PAK3: variants seen among roughly 807,000 people sequenced by gnomAD.
PAK3 encodes the protein p21 (RAC1) activated kinase 3.
In PAK3, 4 loss-of-function variants were observed where a neutral mutation model predicts 41.0. That is an observed-to-expected ratio of 0.10 (90% CI 0.05 to 0.22). PAK3 has a LOEUF of 0.22. PAK3 is among the 10% of genes least tolerant of loss of function. The pLI is 1.00. For missense variants in PAK3, 205 were observed against 409.9 expected, an observed-to-expected ratio of 0.50 and a Z score of 4.32; for synonymous variants, 146 against 139.6, an observed-to-expected ratio of 1.05 and a Z score of -0.32.
chrX:111,005,394 A>C, intron 1 of PAK3, among the ~76,000 whole-genome samples: 1 of 111,569 alleles, frequency 9.0e-6, no homozygotes, highest in East Asian at 2.8e-4. Context: ...AGATACATTG[A>C]AGCCGGTAGA....
intron 7 of PAK3, among the ~76,000 whole-genome samples, chrX:111,148,506 G>A (rs972990521): frequency 9.0e-6 from 1 of 111,597 alleles, no homozygotes; most frequent in Non-Finnish European, 1.9e-5. Context: ...CATGCTGCTG[G>A]TAAAGACATG....
At chrX:111,009,449 T>G (rs1039584059) in intron 1 of PAK3, among the ~76,000 whole-genome samples, 1 of 108,907 alleles carries the variant, frequency 9.2e-6, no homozygotes, top group East Asian at 2.9e-4. Context: ...TTGGCACACC[T>G]GAAAGCAGGC....
At chrX:111,142,273 C>T in intron 6 of PAK3, 77 bp downstream of exon 6, 2 of 624,794 alleles carry the variant, frequency 3.2e-6, no homozygotes, top group South Asian at 4.4e-5. Context: ...CAAGAATTGC[C>T]ATGTCCCAAA....
intron 1 of PAK3, among the ~76,000 whole-genome samples, chrX:111,051,291 T>A (rs1230804213): frequency 8.9e-6 from 1 of 111,751 alleles, no homozygotes; most frequent in Non-Finnish European, 1.9e-5. Flanking sequence ...AAATATTTGT[T>A]GAATATGAAT....
intron 8 of PAK3, among the ~76,000 whole-genome samples, chrX:111,160,852 A>G (rs1163709685): frequency 2.7e-5 from 3 of 111,808 alleles, no homozygotes; most frequent in African/African-American, 9.8e-5. Flanking sequence ...CATTTTCTTA[A>G]TCCAGTCTAT....
intron 8 of PAK3, among the ~76,000 whole-genome samples, chrX:111,156,995 C>T (rs2094114733): frequency 8.9e-6 from 1 of 111,939 alleles, no homozygotes; most frequent in African/African-American, 3.2e-5. Context: ...TCATATTGAA[C>T]GTGCCATTAT....
chrX:111,202,037 T>C (rs2094690131), intron 16 of PAK3, among the ~76,000 whole-genome samples: 1 of 110,191 alleles, frequency 9.1e-6, no homozygotes, highest in African/African-American at 3.3e-5. Context: ...TCAGTACAAT[T>C]ACCATGAACA....
At chrX:111,179,724 T>C (rs1347595380) in intron 11 of PAK3, among the ~76,000 whole-genome samples, 1 of 111,801 alleles carries the variant, frequency 8.9e-6, no homozygotes, top group Non-Finnish European at 1.9e-5. Context: ...AGCAGTCTCC[T>C]TTCTTTTTCC....
chrX:111,041,159 A>G (rs1424277621), intron 1 of PAK3, among the ~76,000 whole-genome samples: 1 of 112,913 alleles, frequency 8.9e-6, no homozygotes, highest in Non-Finnish European at 1.9e-5. Flanking sequence ...GTTGCAGAGC[A>G]TTCTCTGAGA....
intron 9 of PAK3, among the ~76,000 whole-genome samples, 190 bp from the exon 10 acceptor site, chrX:111,163,372 A>G (rs924635054): frequency 1.9e-4 from 21 of 111,521 alleles, no homozygotes; most frequent in Non-Finnish European, 1.3e-4. Context: ...TTAGCAAGGC[A>G]TGTATAGGGA....
rs183919130 is a variant in PAK3 at position 111,013,799 on chromosome X, T to C, written c.-28+69171T>C. On this transcript the variant is annotated intron_variant, in intron 1 of 14. Coordinates refer to the PAK3 transcript ENST00000425146. ...ATTTTGCCTGACTCACTCTTGAAGATGAATGCATCAGCTTGTTTTCTCTTC... is the reference window on the plus strand; with the variant it reads ...ATTTTGCCTGACTCACTCTTGAAGACGAATGCATCAGCTTGTTTTCTCTTC... 1.8e-4 allele frequency: 20 copies of C among 111,669 alleles called. No homozygotes were observed. In the East Asian group the frequency reaches 5.4e-3, roughly 30 times the overall value. 9.2% of individuals were successfully genotyped at this position (111,669 alleles called of 1,213,427 possible).
intron 1 of PAK3, among the ~76,000 whole-genome samples, chrX:111,068,870 T>C (rs2092720919): frequency 8.9e-6 from 1 of 112,366 alleles, no homozygotes; most frequent in Non-Finnish European, 1.9e-5. Context: ...TATAGATATA[T>C]ATTGCGTTGA....
At chrX:111,022,525 C>T (rs1009845145) in intron 1 of PAK3, among the ~76,000 whole-genome samples, 5 of 111,365 alleles carry the variant, frequency 4.5e-5, no homozygotes, top group Admixed American at 9.5e-5. Context: ...AATGCTGAAA[C>T]GATCTCTAAA....
At chrX:111,104,620 C>A (rs2093217957) in intron 4 of PAK3, among the ~76,000 whole-genome samples, 1 of 111,553 alleles carries the variant, frequency 9.0e-6, no homozygotes, top group Non-Finnish European at 1.9e-5. Context: ...AATGAGAAGC[C>A]CCTGAATCGC....
At chrX:110,955,853 T>C (rs1272495059) in intron 1 of PAK3, among the ~76,000 whole-genome samples, 1 of 111,897 alleles carries the variant, frequency 8.9e-6, no homozygotes, top group African/African-American at 3.3e-5. Context: ...GTCCAAGATA[T>C]ATGACTGTGA....
At chrX:111,194,589 C>A (rs1342877413) in intron 14 of PAK3, among the ~76,000 whole-genome samples, 171 bp downstream of exon 14, 2 of 111,793 alleles carry the variant, frequency 1.8e-5, no homozygotes, top group Non-Finnish European at 3.8e-5. Context: ...CACTCCCCAG[C>A]ATCACCCTCC....
intron 11 of PAK3, among the ~76,000 whole-genome samples, chrX:111,181,588 C>T (rs1175607471): frequency 1.8e-5 from 2 of 111,614 alleles, no homozygotes; most frequent in Non-Finnish European, 3.8e-5. Flanking sequence ...CCCCTTTCTT[C>T]TTAATCTAAC....
At chrX:111,112,106 G>A (rs909368858) in intron 4 of PAK3, among the ~76,000 whole-genome samples, 3 of 111,704 alleles carry the variant, frequency 2.7e-5, no homozygotes, top group Non-Finnish European at 5.6e-5. Context: ...CTGAGTAATA[G>A]TTCTGAAATT....
upstream of PAK3, among the ~76,000 whole-genome samples, chrX:111,095,930 G>C (rs1338264167): frequency 9.0e-6 from 1 of 110,861 alleles, no homozygotes; most frequent in African/African-American, 3.3e-5. Flanking sequence ...CCTCTTTTTT[G>C]ATGGCCCCAC....
Sources: gnomAD v4.1 joint callset for allele counts (sites outside exome capture counted in the v4.1 genomes callset) on GRCh38, gnomAD v4.1.1 for gene constraint, MANE v1.5 for transcripts, NCBI Gene and HGNC (gene_info 2026-07-23, HGNC 2026-07-21) for gene names.